MCTP1: variants seen among roughly 807,000 people sequenced by gnomAD.
MCTP1 encodes the protein multiple C2 and transmembrane domain containing 1, also known as multiple C2 and transmembrane domain-containing protein 1.
In MCTP1, 69 loss-of-function variants were observed where a neutral mutation model predicts 120.6. That is an observed-to-expected ratio of 0.57 (90% confidence interval 0.47 to 0.70). The LOEUF is 0.70. Ranked by LOEUF, MCTP1 falls within the 30% of genes least tolerant of loss-of-function variation. MCTP1 has a pLI of 0.00. For missense variants in MCTP1, 1,203 were observed against 1,248.8 expected, an observed-to-expected ratio of 0.96 and a Z score of 0.55; for synonymous variants, 529 against 493.1, an observed-to-expected ratio of 1.07 and a Z score of -0.96.
intron 1 of MCTP1, among the ~76,000 whole-genome samples, chr5:95,189,345 A>C (rs1749581970): frequency 6.6e-6 from 1 of 152,208 alleles, no homozygotes; most frequent in South Asian, 2.1e-4. Context: ...GGAAATATAA[A>C]GACATCTTGA....
chr5:95,041,320 A>G (rs1294266024), intron 1 of MCTP1, among the ~76,000 whole-genome samples: 1 of 150,796 alleles, frequency 6.6e-6, no homozygotes. Flanking sequence ...TGAAAAAAAA[A>G]AAAAAAAAAA....
At chr5:94,907,319 T>C (rs942545365) in intron 10 of MCTP1, among the ~76,000 whole-genome samples, 2 of 152,186 alleles carry the variant, frequency 1.3e-5, no homozygotes, top group Non-Finnish European at 1.5e-5. Flanking sequence ...GTTTCTATTG[T>C]CCATCTTTCA....
At chr5:94,793,920 G>T (rs1175744289) in intron 18 of MCTP1, among the ~76,000 whole-genome samples, 1 of 152,212 alleles carries the variant, frequency 6.6e-6, no homozygotes, top group African/African-American at 2.4e-5. Context: ...GTAGAGATAA[G>T]TGCTCTGGTT....
At chr5:94,908,350 G>GAT (rs1300730081) in intron 10 of MCTP1, among the ~76,000 whole-genome samples, 7 of 151,702 alleles carry the variant, frequency 4.6e-5, no homozygotes, top group East Asian at 1.9e-4. Flanking sequence ...TGAAGAAAAT[G>GAT]ATATATATAT....
chr5:95,238,050 C>A (rs1423308314), intron 1 of MCTP1, among the ~76,000 whole-genome samples: 1 of 152,094 alleles, frequency 6.6e-6, no homozygotes, highest in African/African-American at 2.4e-5. Flanking sequence ...AACTCATAAA[C>A]CAAATGTAGC....
chr5:94,877,097 G>A (rs1196828294), intron 12 of MCTP1, among the ~76,000 whole-genome samples: 1 of 151,932 alleles, frequency 6.6e-6, no homozygotes, highest in Admixed American at 6.6e-5. Context: ...ACATAAAGAG[G>A]GAAAGGAAGC....
chr5:95,202,200 T>C (rs1002038360), intron 1 of MCTP1, among the ~76,000 whole-genome samples: 1 of 152,156 alleles, frequency 6.6e-6, no homozygotes, highest in East Asian at 1.9e-4. Context: ...TTCTCTCTCC[T>C]AGAGCTGGAA....
chr5:95,096,942 T>C (rs2152354868), intron 1 of MCTP1, among the ~76,000 whole-genome samples: 1 of 152,278 alleles, frequency 6.6e-6, no homozygotes, highest in East Asian at 1.9e-4. Context: ...CTACACAATT[T>C]TGTGTGATTC....
intron 2 of MCTP1, among the ~76,000 whole-genome samples, chr5:94,994,176 G>A (rs1255380468): frequency 2.0e-5 from 3 of 152,170 alleles, no homozygotes; most frequent in South Asian, 4.1e-4. Flanking sequence ...GTGGTTTATG[G>A]TATCTTGTCA....
chr5:95,191,452 C>T (rs895575928), intron 1 of MCTP1, among the ~76,000 whole-genome samples: 4 of 151,922 alleles, frequency 2.6e-5, no homozygotes, highest in Non-Finnish European at 2.9e-5. Context: ...CCACCACATG[C>T]GAATCTGAAG....
chr5:95,190,041 A>G (rs1749658401), intron 1 of MCTP1, among the ~76,000 whole-genome samples: 1 of 152,148 alleles, frequency 6.6e-6, no homozygotes, highest in Admixed American at 6.6e-5. Context: ...GTTCCAGGGA[A>G]AAGCTTAGAA....
At chr5:95,248,874 T>C (rs1026588658) in intron 1 of MCTP1, among the ~76,000 whole-genome samples, 1 of 152,154 alleles carries the variant, frequency 6.6e-6, no homozygotes, top group Non-Finnish European at 1.5e-5. Context: ...TACAACCATC[T>C]AAGCTTTGAC....
chr5:94,849,159 A>G (rs1377037344), intron 17 of MCTP1, among the ~76,000 whole-genome samples: 2 of 152,140 alleles, frequency 1.3e-5, no homozygotes, highest in African/African-American at 4.8e-5. Flanking sequence ...GAACTCCACA[A>G]AAATATAATG....
At chr5:94,909,139 A>G (rs1807757228) in intron 10 of MCTP1, 112 bp downstream of exon 10, 1 of 1,274,172 alleles carries the variant, frequency 7.8e-7, no homozygotes, top group African/African-American at 1.6e-5. Context: ...TACCATGGTA[A>G]AGTCCCTTTC....
chr5:94,889,451 G>C (rs574173699), intron 11 of MCTP1, among the ~76,000 whole-genome samples: 7 of 151,898 alleles, frequency 4.6e-5, no homozygotes, highest in African/African-American at 1.2e-4. Flanking sequence ...TTAGCCAGGC[G>C]TGGTGGCGGG....
intron 1 of MCTP1, among the ~76,000 whole-genome samples, chr5:95,031,463 G>T (rs1332550647): frequency 6.6e-6 from 1 of 152,192 alleles, no homozygotes; most frequent in Non-Finnish European, 1.5e-5. Context: ...CAAGCCAGAA[G>T]AGATTGGAGG....
intron 3 of MCTP1, among the ~76,000 whole-genome samples, chr5:94,944,831 C>A (rs764926990): frequency 1.3e-5 from 2 of 152,158 alleles, no homozygotes; most frequent in Non-Finnish European, 2.9e-5. Context: ...TCAGAGGGAG[C>A]ATTGCTCTAA....
chr5:95,024,189 A>G, intron 1 of MCTP1: 2 of 327,870 alleles, frequency 6.1e-6, no homozygotes, highest in Non-Finnish European at 1.2e-5. Context: ...AATGTCACAG[A>G]GCTTTCCTTG....
At chr5:95,060,403 C>G (rs1199814706) in intron 1 of MCTP1, among the ~76,000 whole-genome samples, 1 of 152,200 alleles carries the variant, frequency 6.6e-6, no homozygotes, top group Non-Finnish European at 1.5e-5. Context: ...CCCTAGGAAG[C>G]TGGCCATCAT....
Sources: gnomAD v4.1 joint callset for allele counts (sites outside exome capture counted in the v4.1 genomes callset) on GRCh38, gnomAD v4.1.1 for gene constraint, MANE v1.5 for transcripts, NCBI Gene and HGNC (gene_info 2026-07-23, HGNC 2026-07-21) for gene names.